Variants in MUC12 observed in about 807,000 individuals in gnomAD.
The protein encoded by MUC12 is mucin 12, cell surface associated.
MUC12 carries 172 observed loss-of-function variants against 230.8 expected under a neutral mutation model. The ratio of observed to expected loss-of-function variants is 0.75; its 90% CI spans 0.66 to 0.85. The LOEUF is 0.85. MUC12 is among the 40% of genes least tolerant of loss of function. The pLI, the probability that MUC12 is intolerant of heterozygous loss-of-function variation, is 0.00. For missense variants in MUC12, 3,506 were observed against 5,920.6 expected, an observed-to-expected ratio of 0.59 and a Z score of 13.38; for synonymous variants, 1,259 against 2,401.9, an observed-to-expected ratio of 0.52 and a Z score of 13.91.
Position 100,984,935 on chromosome 7 carries a change from C to T in MUC12, c.68-5696C>T, listed in dbSNP as rs371711972. Among the ~76,000 whole-genome samples, 3 of 151,964 alleles carry T rather than the reference C, an allele frequency of 2.0e-5. No homozygotes were observed. The East Asian group carries it at 5.8e-4, about 29-fold the overall frequency. On this transcript the variant is annotated intron_variant, in intron 1 of 11. Transcript: ENST00000536621. ...GCTGGAGTGCAGTGGCTCACGATCT[C>T]GGCTCACTGCAACCTCTGCCTCTTG...
chr7:101,018,836 G>C lies in MUC12; in HGVS notation c.*200G>C, dbSNP rs1036105026. 7.9e-6 allele frequency: 4 copies of C among 504,236 alleles called. No individual in the cohort carries two copies. Among genetic ancestry groups the C allele is most frequent in the Middle Eastern group, 3.8e-4 (1 of 2,626 alleles). 31.2% of individuals were successfully genotyped at this position (504,236 alleles called of 1,614,324 possible). On this transcript the variant is annotated 3_prime_UTR_variant, in exon 12 of 12. Coordinates refer to ENST00000536621, the MANE Select transcript of MUC12 (RefSeq NM_001164462.2). ...CTGGGGGCTGTAAGCCTCTCCATCC[G>C]GGAGCTTCCAGACTCCCAGAAGCCT... is the stretch of plus-strand genomic sequence containing the variant.
At chr7:100,985,541 T>C (rs1793174767) in intron 1 of MUC12, among the ~76,000 whole-genome samples, 1 of 152,210 alleles carries the variant, frequency 6.6e-6, no homozygotes, top group Non-Finnish European at 1.5e-5. Context: ...TTACCATCTT[T>C]GTTTCTTCCA....
Position 100,990,861 on chromosome 7 carries a change from T to C in MUC12, c.298T>C (p.Ser100Pro). The C allele has an allele frequency of 2.0e-6, 3 of 1,537,634 alleles. No homozygotes were observed. The highest frequency in any genetic ancestry group is 2.6e-6 in the Non-Finnish European group (3 of 1,146,998). Residue 100 changes from serine to proline, a missense_variant, in exon 2 of 12, where the codon TCT (serine) becomes CCT (proline). By Grantham distance (74) the Ser-to-Pro change is moderately conservative. Coordinates refer to ENST00000536621, the MANE Select transcript of MUC12 (RefSeq NM_001164462.2). ...TGGAACAACACTCTTCCCTTCCCAC[T>C]CTGCAACCTCAGTTTTTGTTGGAGA... ...ATGTTLFPSH[S>P]ATSVFVGEPK...
intron 3 of MUC12, among the ~76,000 whole-genome samples, chr7:101,007,687 A>C (rs565147570): frequency 3.3e-5 from 5 of 152,346 alleles, no homozygotes; most frequent in South Asian, 2.1e-4. Context: ...AGTCTTGGCT[A>C]TTGTGAACAG....
Position 100,994,524 on chromosome 7 carries a change from G to C in MUC12, c.3961G>C (p.Val1321Leu), listed in dbSNP as rs748845833. ...LSPATTTSSG[V>L]SEESSTSHSQ... ...ACCTGCAACCACAACAAGCTCAGGC[G>C]TCAGCGAAGAATCCAGCACATCCCA... The change falls in exon 2 of 12, where the codon GTC becomes CTC. Residue 1321 changes from valine (V) to leucine (L), a missense_variant. Transcript: ENST00000536621. The C allele has an allele frequency of 7.3e-7, 1 of 1,372,648 alleles. No homozygotes were observed. Among genetic ancestry groups the C allele is most frequent in the Admixed American group, 2.3e-5 (1 of 43,756 alleles). The allele number at this position is 1,372,648 out of a possible 1,614,324, so 85.0% of individuals were successfully genotyped here. A position where few individuals can be genotyped will look rare whatever the true frequency, so the allele number is the denominator to read the frequency against.
At chr7:101,012,059 G>A (rs959356910) in intron 5 of MUC12, among the ~76,000 whole-genome samples, 5 of 152,144 alleles carry the variant, frequency 3.3e-5, no homozygotes, top group African/African-American at 1.2e-4. Context: ...CCACTATTTT[G>A]CGAGAGATGA....
At chr7:100,970,339 T>C (rs1169102105) in intron 1 of MUC12, among the ~76,000 whole-genome samples, 1 of 151,468 alleles carries the variant, frequency 6.6e-6, no homozygotes. Flanking sequence ...ATACAAAAAT[T>C]AACCAGGCAT....
At chr7:100,980,182 T>A (rs1793085365) in intron 1 of MUC12, among the ~76,000 whole-genome samples, 2 of 152,098 alleles carry the variant, frequency 1.3e-5, no homozygotes, top group Admixed American at 1.3e-4. Flanking sequence ...TAGCTGGGTC[T>A]ATAGGTGTGC....
intron 1 of MUC12, among the ~76,000 whole-genome samples, chr7:100,986,330 T>C (rs965944389): frequency 4.6e-5 from 7 of 151,546 alleles, no homozygotes; most frequent in Non-Finnish European, 1.0e-4. Context: ...AGAAGTAGGA[T>C]GGTGATATAG....
Position 101,012,906 on chromosome 7 carries a change from G to A in MUC12, c.15475+16G>A. 2 of 1,537,246 alleles carry A rather than the reference G, an allele frequency of 1.3e-6. No homozygotes were observed. The highest frequency in any genetic ancestry group is 1.7e-6 in the Non-Finnish European group (2 of 1,146,912). Reference sequence around the variant, plus strand: ...GACTTCCAGGGTAAGCGACTACGTGGAGCGTGGGCACTAAGAGTGGGGGCT... The same window carrying A: ...GACTTCCAGGGTAAGCGACTACGTGAAGCGTGGGCACTAAGAGTGGGGGCT... On this transcript the variant is annotated intron_variant, in intron 7 of 11. Transcript: ENST00000536621.
chr7:100,972,466 G>C (rs1792926609), intron 1 of MUC12, among the ~76,000 whole-genome samples: 1 of 152,196 alleles, frequency 6.6e-6, no homozygotes, highest in South Asian at 2.1e-4. Context: ...TCCTTGGGGA[G>C]CAGTTCAGAT....
intron 11 of MUC12, 98 bp from the exon 12 acceptor site, chr7:101,018,496 TG>T (rs1347238862): frequency 1.0e-4 from 45 of 451,530 alleles, no homozygotes; most frequent in South Asian, 4.9e-4. Flanking sequence ...TCCCTCCCCC[TG>T]GGGTTCCCTC....
chr7:100,985,452 T>G (rs2116286799), intron 1 of MUC12, among the ~76,000 whole-genome samples: 1 of 152,324 alleles, frequency 6.6e-6, no homozygotes, highest in East Asian at 1.9e-4. Flanking sequence ...CCATCATTTC[T>G]AATCTTGTGG....
chr7:100,979,313 T>C (rs1290985258), intron 1 of MUC12, among the ~76,000 whole-genome samples: 1 of 151,974 alleles, frequency 6.6e-6, no homozygotes, highest in African/African-American at 2.4e-5. Flanking sequence ...TGTAGGCAAA[T>C]AGGCAATTTT....
Position 101,004,907 on chromosome 7 carries a change from C to T in MUC12, c.14344C>T (p.Pro4782Ser). The T allele has an allele frequency of 6.5e-7, 1 of 1,537,856 alleles. No individual in the cohort carries two copies. Among genetic ancestry groups the T allele is most frequent in the Non-Finnish European group, 8.7e-7 (1 of 1,147,058 alleles). Residue 4782 changes from proline (P) to serine (S), a missense_variant, in exon 2 of 12, where the codon CCT becomes TCT. Transcript: ENST00000536621. ...QAESTHTTAF[P>S]ASTTTSGLSQ... ...AGAGTCAACACACACAACAGCGTTC[C>T]CTGCCAGCACCACCACCTCAGGCCT...
intron 10 of MUC12, 191 bp from the exon 11 acceptor site, chr7:101,017,384 G>T (rs956972968): frequency 3.8e-5 from 21 of 552,154 alleles, no homozygotes; most frequent in African/African-American, 3.1e-4. Flanking sequence ...GGGGTCCAGC[G>T]GGCGGCTCCC....
intron 1 of MUC12, among the ~76,000 whole-genome samples, chr7:100,984,991 T>G (rs1339246985): frequency 2.6e-5 from 4 of 151,990 alleles, no homozygotes; most frequent in Non-Finnish European, 5.9e-5. Context: ...CTCAGCCTCC[T>G]GAGTAGCTGG....
At chr7:100,981,444 C>G (rs1269622755) in intron 1 of MUC12, 1 of 570,068 alleles carries the variant, frequency 1.8e-6, no homozygotes, top group Admixed American at 3.2e-5. Flanking sequence ...AGGGCTTTAG[C>G]CTGGGGCTCC....
chr7:100,991,841 T>G lies in MUC12; in HGVS notation c.1278T>G (p.Asp426Glu), dbSNP rs1007314557. ...CAACTGAAACAACACACTTCCGTGA[T>G]AGCTCCACAATCTCAGGCCGTAGTG... The part of the protein sequence containing the change: ...LGSTETTHFR[D>E]SSTISGRSEE... The change falls in exon 2 of 12, where the codon GAT becomes GAG. Residue 426 changes from aspartate (D) to glutamate (E), a missense_variant. Physicochemically the swap from Asp to Glu is conservative, Grantham distance 45. Coordinates refer to ENST00000536621, the MANE Select transcript of MUC12 (RefSeq NM_001164462.2). 2 of 1,537,422 alleles carry G rather than the reference T, an allele frequency of 1.3e-6. No homozygotes were observed. The highest frequency in any genetic ancestry group is 3.9e-5 in the Admixed American group (2 of 50,990).
Sources: allele counts gnomAD v4.1 joint callset (sites outside exome capture counted in the v4.1 genomes callset), GRCh38; gene constraint gnomAD v4.1.1; transcripts MANE v1.5; gene names NCBI Gene and HGNC (gene_info 2026-07-23, HGNC 2026-07-21).